Variants in FHIT observed in about 807,000 individuals in gnomAD.
The protein encoded by FHIT is bis(5'-adenosyl)-triphosphatase.
In FHIT, 19 loss-of-function variants were observed where a neutral mutation model predicts 17.9. The observed-to-expected ratio is 1.06, with a 90% CI of 0.74 to 1.56. The LOEUF (loss-of-function observed/expected upper bound fraction) is 1.56, where lower values mean the gene tolerates loss of function less well. Among genes scored for constraint, FHIT ranks in the 40% most tolerant of loss-of-function variants. The pLI is 0.00. For synonymous variants in FHIT, 81 were observed against 69.7 expected (o/e 1.16, Z -0.81); for missense variants, 248 against 189.2 (o/e 1.31, Z -1.82).
At chr3:61,136,523 A>G (rs2036920681) in intron 2 of FHIT, among the ~76,000 whole-genome samples, 1 of 152,024 alleles carries the variant, frequency 6.6e-6, no homozygotes, top group Non-Finnish European at 1.5e-5. Context: ...AGTACTTACA[A>G]TGGGGGTTGG....
At chr3:61,145,755 T>G (rs927381302) in intron 2 of FHIT, among the ~76,000 whole-genome samples, 23 of 110,052 alleles carry the variant, frequency 2.1e-4, no homozygotes, top group Non-Finnish European at 3.8e-4. Context: ...TTAGATATTT[T>G]ATTTTTTGGC....
chr3:59,909,001 G>C (rs1358224564), intron 8 of FHIT, among the ~76,000 whole-genome samples: 16 of 151,690 alleles, frequency 1.1e-4, no homozygotes, highest in Admixed American at 9.9e-4. Flanking sequence ...TATCACATCA[G>C]CACAACTGGC....
intron 5 of FHIT, among the ~76,000 whole-genome samples, chr3:60,321,408 C>A (rs1004955975): frequency 6.6e-6 from 1 of 152,082 alleles, no homozygotes; most frequent in Non-Finnish European, 1.5e-5. Flanking sequence ...CTCCGGAGGT[C>A]AAGTCTGCAG....
At chr3:60,367,305 G>T (rs1700147816) in intron 5 of FHIT, among the ~76,000 whole-genome samples, 1 of 152,120 alleles carries the variant, frequency 6.6e-6, no homozygotes, top group Non-Finnish European at 1.5e-5. Context: ...AGGAGCCAAG[G>T]CCCTGGGACC....
intron 5 of FHIT, among the ~76,000 whole-genome samples, chr3:60,467,867 T>G (rs915718097): frequency 1.3e-5 from 2 of 152,140 alleles, no homozygotes; most frequent in Non-Finnish European, 2.9e-5. Context: ...GTTTGCTGAC[T>G]TTCTGTCTGG....
chr3:60,620,862 G>T (rs1007298183), intron 4 of FHIT, among the ~76,000 whole-genome samples: 1 of 152,078 alleles, frequency 6.6e-6, no homozygotes, highest in African/African-American at 2.4e-5. Flanking sequence ...CCACACTAAT[G>T]CAAGTGTTAA....
intron 2 of FHIT, among the ~76,000 whole-genome samples, chr3:61,080,055 A>C (rs974129760): frequency 3.9e-5 from 6 of 152,160 alleles, no homozygotes; most frequent in Non-Finnish European, 2.9e-5. Flanking sequence ...TTACACTGGA[A>C]TAGAAGTCAA....
At chr3:60,352,872 G>A (rs570290644) in intron 5 of FHIT, among the ~76,000 whole-genome samples, 2 of 151,916 alleles carry the variant, frequency 1.3e-5, no homozygotes, top group African/African-American at 4.8e-5. Flanking sequence ...CAGGAAATAG[G>A]GGAGCTCTTA....
At chr3:60,738,819 G>C (rs1235639595) in intron 4 of FHIT, among the ~76,000 whole-genome samples, 1 of 152,194 alleles carries the variant, frequency 6.6e-6, no homozygotes, top group African/African-American at 2.4e-5. Context: ...CCTGGCAAAG[G>C]CCCCAACCTC....
chr3:60,646,070 G>T (rs1422393512), intron 4 of FHIT, among the ~76,000 whole-genome samples: 1 of 152,086 alleles, frequency 6.6e-6, no homozygotes, highest in African/African-American at 2.4e-5. Flanking sequence ...GAGCCCAGAT[G>T]GTCAGAAAGA....
At chr3:60,840,882 A>G (rs1306158056) in intron 3 of FHIT, among the ~76,000 whole-genome samples, 2 of 152,224 alleles carry the variant, frequency 1.3e-5, no homozygotes, top group East Asian at 3.8e-4. Context: ...GTGGTGTCTA[A>G]CAGATTTGTG....
At chr3:60,262,324 A>C (rs1321519978) in intron 5 of FHIT, among the ~76,000 whole-genome samples, 1 of 152,054 alleles carries the variant, frequency 6.6e-6, no homozygotes, top group African/African-American at 2.4e-5. Context: ...GTATTCATAC[A>C]AAAAGAATTA....
intron 3 of FHIT, among the ~76,000 whole-genome samples, chr3:60,975,197 G>A (rs1172846552): frequency 1.3e-5 from 2 of 152,102 alleles, no homozygotes; most frequent in Non-Finnish European, 2.9e-5. Flanking sequence ...AAAATGTGCA[G>A]GGCCAGAACT....
intron 1 of FHIT, among the ~76,000 whole-genome samples, chr3:61,207,748 G>T (rs538924207): frequency 1.4e-4 from 21 of 152,102 alleles, no homozygotes; most frequent in African/African-American, 4.3e-4. Flanking sequence ...TATCAATTTT[G>T]TTGATCTTTT....
chr3:60,182,774 C>A (rs1364164102), intron 5 of FHIT, among the ~76,000 whole-genome samples: 1 of 151,972 alleles, frequency 6.6e-6, no homozygotes, highest in Admixed American at 6.6e-5. Flanking sequence ...CAGAGTGAGA[C>A]CCTGTCTTGA....
intron 3 of FHIT, among the ~76,000 whole-genome samples, chr3:60,988,251 T>A (rs1462408144): frequency 2.0e-5 from 3 of 152,324 alleles, no homozygotes; most frequent in South Asian, 2.1e-4. Context: ...AATGTAATAT[T>A]TTAACCATTT....
intron 4 of FHIT, among the ~76,000 whole-genome samples, chr3:60,775,360 G>A (rs759105910): frequency 2.0e-5 from 3 of 152,156 alleles, no homozygotes; most frequent in Non-Finnish European, 4.4e-5. Flanking sequence ...CACCGGGGTG[G>A]AGCCTCGGGA....
intron 4 of FHIT, among the ~76,000 whole-genome samples, chr3:60,744,263 C>A (rs140266821): frequency 0.055 from 4,653 of 84,808 alleles, 84 homozygotes; most frequent in African/African-American, 0.066. Context: ...AAAAACAAAA[C>A]AAAACAAAAA....
chr3:60,181,145 AT>A (rs199935934), intron 5 of FHIT, among the ~76,000 whole-genome samples: 28,203 of 125,192 alleles, frequency 0.23, 2,109 homozygotes, highest in African/African-American at 0.3. Context: ...AATTTTTTTA[AT>A]TTTTTTTTTT....
Sources: allele counts gnomAD v4.1 joint callset (sites outside exome capture counted in the v4.1 genomes callset), GRCh38; gene constraint gnomAD v4.1.1; transcripts MANE v1.5; gene names NCBI Gene and HGNC (gene_info 2026-07-23, HGNC 2026-07-21).